The following ERC1 variants were observed in gnomAD, a reference collection of about 807,000 sequenced individuals.
ERC1 encodes the protein ELKS/RAB6-interacting/CAST family member 1.
A neutral mutation model predicts 132.0 loss-of-function variants in ERC1; 56 were observed. The ratio of observed to expected loss-of-function variants is 0.42; its 90% CI spans 0.34 to 0.53. The LOEUF is 0.53. Ranked by LOEUF, ERC1 falls within the 20% of genes least tolerant of loss-of-function variation. The pLI is 0.03. For synonymous variants in ERC1, 478 were observed against 476.1 expected (o/e 1.00, Z -0.05); for missense variants, 1,202 against 1,349.9 (o/e 0.89, Z 1.72).
At chr12:1,202,670 A>C (rs113321430) in intron 12 of ERC1, among the ~76,000 whole-genome samples, 116 of 152,234 alleles carry the variant, frequency 7.6e-4, no homozygotes, top group African/African-American at 2.6e-3. Context: ...AGGAAAAAAA[A>C]AGAGTTGTAA....
At chr12:1,344,764 A>G (rs1375783249) in intron 15 of ERC1, among the ~76,000 whole-genome samples, 1 of 152,176 alleles carries the variant, frequency 6.6e-6, no homozygotes. Flanking sequence ...CACTATCTCA[A>G]TCTTAATAAC....
intron 17 of ERC1, among the ~76,000 whole-genome samples, chr12:1,428,688 C>T (rs1410051673): frequency 3.3e-5 from 5 of 152,182 alleles, no homozygotes; most frequent in East Asian, 3.8e-4. Flanking sequence ...AGACCCTTTA[C>T]GATAGGACCC....
chr12:1,197,486 G>C (rs1428100183), intron 12 of ERC1, among the ~76,000 whole-genome samples: 1 of 152,164 alleles, frequency 6.6e-6, no homozygotes, highest in African/African-American at 2.4e-5. Flanking sequence ...GTTCACTTGA[G>C]GATCTTACTG....
intron 1 of ERC1, among the ~76,000 whole-genome samples, chr12:1,025,141 C>T (rs1002395664): frequency 1.7e-4 from 26 of 152,080 alleles, no homozygotes; most frequent in African/African-American, 6.0e-4. Flanking sequence ...GGGACAACTG[C>T]CTGTGGTTTT....
At chr12:1,363,542 CCT>C (rs2086350794) in intron 15 of ERC1, among the ~76,000 whole-genome samples, 1 of 127,570 alleles carries the variant, frequency 7.8e-6, no homozygotes, top group Non-Finnish European at 1.6e-5. Context: ...GTATTTCTTT[CCT>C]TTTTTTTTTT....
In ERC1 at chr12:1,300,056, C is replaced by T. The variant is rs1423491661; in HGVS notation, c.2780+10044C>T. ...AAGCTGGAGGCATTATGCTACCCAACTTCAAACTATACTACAGGACTACAG... is the reference window on the plus strand; with the variant it reads ...AAGCTGGAGGCATTATGCTACCCAATTTCAAACTATACTACAGGACTACAG... On this transcript the variant is annotated intron_variant, in intron 15 of 18. Transcript: ENST00000360905. Among the ~76,000 whole-genome samples, 5 of 152,246 alleles carry T rather than the reference C, an allele frequency of 3.3e-5. No homozygotes were observed. In the South Asian group the frequency reaches 6.2e-4, roughly 19 times the overall value.
At chr12:1,271,394 G>C (rs1337481871) in intron 14 of ERC1, among the ~76,000 whole-genome samples, 1 of 152,174 alleles carries the variant, frequency 6.6e-6, no homozygotes, top group African/African-American at 2.4e-5. Flanking sequence ...AGAAAACAAA[G>C]ATGGCCATTG....
intron 1 of ERC1, among the ~76,000 whole-genome samples, chr12:1,000,687 T>C (rs1233417822): frequency 1.3e-5 from 2 of 152,044 alleles, no homozygotes; most frequent in Non-Finnish European, 2.9e-5. Flanking sequence ...CGCTTGAACC[T>C]GGGACGCACA....
chr12:1,128,798 A>G (rs1442511867), intron 7 of ERC1, among the ~76,000 whole-genome samples: 1 of 152,218 alleles, frequency 6.6e-6, no homozygotes, highest in Non-Finnish European at 1.5e-5. Flanking sequence ...GTTATAAAAG[A>G]TCAAAACAGG....
chr12:1,134,210 T>G (rs1372021837), intron 7 of ERC1, among the ~76,000 whole-genome samples: 1 of 152,156 alleles, frequency 6.6e-6, no homozygotes, highest in Non-Finnish European at 1.5e-5. Context: ...CCCCCTTGAT[T>G]ATATTAAAGA....
intron 15 of ERC1, among the ~76,000 whole-genome samples, chr12:1,354,831 G>T (rs73038675): frequency 6.6e-6 from 1 of 151,994 alleles, no homozygotes; most frequent in Non-Finnish European, 1.5e-5. Context: ...TTGTAGAGAC[G>T]GGGTGTCACC....
intron 7 of ERC1, among the ~76,000 whole-genome samples, chr12:1,121,344 T>C (rs1336515514): frequency 6.6e-6 from 1 of 152,214 alleles, no homozygotes; most frequent in African/African-American, 2.4e-5. Flanking sequence ...ATTTCTGACT[T>C]CGCTAATTAT....
At chr12:1,476,500 A>G (rs1423401840) in intron 18 of ERC1, among the ~76,000 whole-genome samples, 1 of 152,214 alleles carries the variant, frequency 6.6e-6, no homozygotes, top group Non-Finnish European at 1.5e-5. Context: ...AACTCACAGA[A>G]GAAGTGGCCA....
intron 15 of ERC1, among the ~76,000 whole-genome samples, chr12:1,298,657 C>T (rs1015988076): frequency 2.0e-5 from 3 of 147,784 alleles, no homozygotes; most frequent in East Asian, 2.0e-4. Flanking sequence ...AGAAAAGGAA[C>T]AACAAATAAA....
chr12:1,470,342 G>A (rs777340546), intron 18 of ERC1, among the ~76,000 whole-genome samples: 2 of 152,068 alleles, frequency 1.3e-5, no homozygotes, highest in African/African-American at 4.8e-5. Flanking sequence ...ATCAGGCTTT[G>A]TGCTGGTTTA....
At chr12:1,453,091 T>C (rs576592883) in intron 18 of ERC1, among the ~76,000 whole-genome samples, 1 of 152,320 alleles carries the variant, frequency 6.6e-6, no homozygotes, top group South Asian at 2.1e-4. Flanking sequence ...CTGTTCTTGT[T>C]ACTCAGTGAA....
At chr12:1,305,655 G>C (rs931503313) in intron 15 of ERC1, among the ~76,000 whole-genome samples, 2 of 152,134 alleles carry the variant, frequency 1.3e-5, no homozygotes, top group African/African-American at 4.8e-5. Flanking sequence ...GGAGCAAGAG[G>C]GGAGGGTCAT....
chr12:1,009,510 T>G (rs919297585), intron 1 of ERC1, among the ~76,000 whole-genome samples: 5 of 152,146 alleles, frequency 3.3e-5, no homozygotes, highest in African/African-American at 1.2e-4. Context: ...AGCTGTGTGA[T>G]CTTGGGCAAC....
chr12:993,433 T>A (rs1264614386), intron 1 of ERC1, among the ~76,000 whole-genome samples: 1 of 152,256 alleles, frequency 6.6e-6, no homozygotes, highest in African/African-American at 2.4e-5. Context: ...CTATTTCGTT[T>A]AGCATTTCTT....
Sources: gnomAD v4.1 joint callset for allele counts (sites outside exome capture counted in the v4.1 genomes callset) on GRCh38, gnomAD v4.1.1 for gene constraint, MANE v1.5 for transcripts, NCBI Gene and HGNC (gene_info 2026-07-23, HGNC 2026-07-21) for gene names.